Variants in KCNK2 observed in about 807,000 individuals in gnomAD.
The protein encoded by KCNK2 is potassium two pore domain channel subfamily K member 2.
A neutral mutation model predicts 40.5 loss-of-function variants in KCNK2; 21 were observed. That is an observed-to-expected ratio of 0.52 (90% CI 0.37 to 0.75). The LOEUF (loss-of-function observed/expected upper bound fraction) is 0.75. KCNK2 is among the 30% of genes least tolerant of loss of function. The pLI is 0.00. For synonymous variants in KCNK2, 191 were observed against 202.2 expected (o/e 0.94, Z 0.47); for missense variants, 399 against 531.6 (o/e 0.75, Z 2.45).
intron 3 of KCNK2, among the ~76,000 whole-genome samples, chr1:215,126,043 C>A (rs1661421875): frequency 1.3e-5 from 2 of 151,890 alleles, no homozygotes; most frequent in South Asian, 2.1e-4. Context: ...TAAATTGAGA[C>A]CCTAAAAGTT....
chr1:215,035,490 A>G (rs75686074), intron 1 of KCNK2, among the ~76,000 whole-genome samples: 8,027 of 152,050 alleles, frequency 0.053, 660 homozygotes, highest in African/African-American at 0.18. Flanking sequence ...CCTTTTCATA[A>G]TGTCATATGA....
At chr1:215,153,022 T>C (rs1029552608) in intron 3 of KCNK2, among the ~76,000 whole-genome samples, 4 of 152,214 alleles carry the variant, frequency 2.6e-5, no homozygotes, top group African/African-American at 9.6e-5. Flanking sequence ...CAAATAGAAC[T>C]CTTCAATCCA....
At chr1:215,016,924 C>T (rs1173521595) in intron 1 of KCNK2, among the ~76,000 whole-genome samples, 2 of 151,984 alleles carry the variant, frequency 1.3e-5, no homozygotes, top group Non-Finnish European at 2.9e-5. Flanking sequence ...ACCCAATTAA[C>T]AAATGGGCAA....
At chr1:215,105,640 C>T (rs1318874305) in intron 2 of KCNK2, among the ~76,000 whole-genome samples, 1 of 151,972 alleles carries the variant, frequency 6.6e-6, no homozygotes, top group Non-Finnish European at 1.5e-5. Context: ...AGATTTGTTA[C>T]AAGGGTATAT....
intron 6 of KCNK2, among the ~76,000 whole-genome samples, chr1:215,225,411 C>T (rs1179263366): frequency 6.6e-6 from 1 of 152,122 alleles, no homozygotes; most frequent in Non-Finnish European, 1.5e-5. Context: ...TTTTCCTTTG[C>T]TGGAAATTCG....
At chr1:215,128,495 A>G (rs1429842204) in intron 3 of KCNK2, among the ~76,000 whole-genome samples, 1 of 152,194 alleles carries the variant, frequency 6.6e-6, no homozygotes, top group Non-Finnish European at 1.5e-5. Flanking sequence ...CACGTATGAA[A>G]TGACTGAAGA....
intron 6 of KCNK2, among the ~76,000 whole-genome samples, chr1:215,226,762 A>C (rs1293311702): frequency 1.4e-5 from 2 of 146,738 alleles, no homozygotes; most frequent in Non-Finnish European, 2.9e-5. Context: ...GAAAGGAAAA[A>C]AGAAAGAAAG....
chr1:215,104,469 G>C (rs1558092838), intron 2 of KCNK2, among the ~76,000 whole-genome samples: 2 of 152,002 alleles, frequency 1.3e-5, no homozygotes, highest in African/African-American at 4.8e-5. Flanking sequence ...CTCCCTGCAG[G>C]TGTGACTCAC....
At chr1:215,031,711 T>A (rs1260552249) in intron 1 of KCNK2, among the ~76,000 whole-genome samples, 2 of 152,218 alleles carry the variant, frequency 1.3e-5, no homozygotes, top group Non-Finnish European at 2.9e-5. Context: ...AAATTCCACT[T>A]GTTCATTACT....
intron 1 of KCNK2, among the ~76,000 whole-genome samples, chr1:215,007,033 A>ATGTG (rs1408452470): frequency 1.2e-4 from 7 of 60,336 alleles, no homozygotes; most frequent in African/African-American, 1.3e-4. Context: ...ATATATATAT[A>ATGTG]TATATGTGTG....
chr1:215,064,611 AAATGCAGGT>A (rs1658475828), intron 1 of KCNK2, among the ~76,000 whole-genome samples: 1 of 152,126 alleles, frequency 6.6e-6, no homozygotes, highest in African/African-American at 2.4e-5. Flanking sequence ...ATCCTTAAAG[AAATGCAGGT>A]AACACAGAAA....
chr1:215,189,007 A>G (rs1664560255), intron 5 of KCNK2, among the ~76,000 whole-genome samples: 1 of 152,218 alleles, frequency 6.6e-6, no homozygotes, highest in Non-Finnish European at 1.5e-5. Context: ...GAAATCCAGG[A>G]GCAACAACTA....
intron 6 of KCNK2, among the ~76,000 whole-genome samples, chr1:215,213,030 G>C (rs996118197): frequency 2.6e-5 from 4 of 152,204 alleles, no homozygotes; most frequent in African/African-American, 9.6e-5. Context: ...CAGTTCGAGA[G>C]GGAAAAGTGA....
chr1:215,110,581 T>G (rs938392875), intron 2 of KCNK2, among the ~76,000 whole-genome samples: 14 of 152,176 alleles, frequency 9.2e-5, no homozygotes, highest in African/African-American at 3.1e-4. Context: ...TATGCCTGTG[T>G]TTATGACAGC....
chr1:215,137,267 A>G (rs758683625), intron 3 of KCNK2, among the ~76,000 whole-genome samples: 4 of 152,210 alleles, frequency 2.6e-5, no homozygotes, highest in Non-Finnish European at 4.4e-5. Flanking sequence ...ATTTAGGAAA[A>G]TAAGTTAAAA....
chr1:215,146,900 G>A (rs901091982), intron 3 of KCNK2, among the ~76,000 whole-genome samples: 1 of 152,130 alleles, frequency 6.6e-6, no homozygotes, highest in Non-Finnish European at 1.5e-5. Flanking sequence ...TAAAATAAGC[G>A]TACACATGAA....
chr1:215,192,719 C>T (rs1452983174), intron 5 of KCNK2, among the ~76,000 whole-genome samples: 1 of 152,124 alleles, frequency 6.6e-6, no homozygotes, highest in Non-Finnish European at 1.5e-5. Context: ...AGAGCCGTAT[C>T]CTCCATGGGC....
Position 215,169,229 on chromosome 1 carries a change from G to A in KCNK2, c.506G>A (p.Gly169Asp). 1 of 1,610,514 alleles carries A rather than the reference G, an allele frequency of 6.2e-7. No individual in the cohort carries two copies. The highest frequency in any genetic ancestry group is 8.5e-7 in the Non-Finnish European group (1 of 1,178,548). ...GGAAACATCTCACCACGCACAGAAG[G>A]CGGCAAAATATTCTGTATCATCTAT... ...GFGNISPRTE[G>D]GKIFCIIYAL... is the part of the protein sequence containing the mutation. Residue 169 changes from glycine (G) to aspartate (D), a missense_variant, in exon 4 of 7, where the codon GGC (glycine) becomes GAC (aspartate). This residue lies in a region of KCNK2 where 279 missense variants were observed against 353.8 expected (regional missense o/e 0.79). Coordinates refer to ENST00000444842, the MANE Select transcript of KCNK2 (RefSeq NM_001017425.3).
intron 2 of KCNK2, among the ~76,000 whole-genome samples, chr1:215,111,700 C>G (rs1660690388): frequency 6.6e-6 from 1 of 152,012 alleles, no homozygotes; most frequent in Admixed American, 6.6e-5. Context: ...TATTTTGAAT[C>G]TTTATGAGAT....
Sources: gnomAD v4.1 joint callset for allele counts (sites outside exome capture counted in the v4.1 genomes callset) on GRCh38, gnomAD v4.1.1 for gene constraint, gnomAD v4.1.1 regional missense constraint, MANE v1.5 for transcripts, NCBI Gene and HGNC (gene_info 2026-07-23, HGNC 2026-07-21) for gene names.